The following NCEH1 variants were observed in gnomAD, a reference collection of about 807,000 sequenced individuals.
NCEH1 encodes neutral cholesterol ester hydrolase 1, also known as 2-acetyl MAGE hydrolase.
NCEH1 carries 9 observed loss-of-function variants against 25.4 expected under a neutral mutation model. That is an observed-to-expected ratio of 0.35 (90% confidence interval 0.21 to 0.62). The LOEUF (loss-of-function observed/expected upper bound fraction) is 0.62. NCEH1 is among the 20% of genes least tolerant of loss of function. NCEH1 has a pLI of 0.72. For missense variants in NCEH1, 412 were observed against 501.1 expected, an observed-to-expected ratio of 0.82 and a Z score of 1.70; for synonymous variants, 200 against 199.8, an observed-to-expected ratio of 1.00 and a Z score of -0.01.
chr3:172,689,251 C>CTTT (rs34888694), intron 1 of NCEH1, among the ~76,000 whole-genome samples: 3,358 of 80,770 alleles, frequency 0.042, 268 homozygotes, highest in African/African-American at 0.15. Flanking sequence ...CTTGGAGTAA[C>CTTT]TTTTTTTTTT....
rs1238049020 is a variant in NCEH1, at chr3:172,633,363, T to C, written c.*112A>G. The stretch of plus-strand genomic sequence containing the variant: ...AGTTATGGAATAGAAATTCCATAAC[T>C]CGCAAGTAGAGGGGAATGGGAGGAA... On this transcript the variant is annotated 3_prime_UTR_variant, in exon 5 of 5. Coordinates refer to ENST00000475381, the MANE Select transcript of NCEH1 (RefSeq NM_020792.6). The C allele has an allele frequency of 2.5e-5, 26 of 1,022,548 alleles. No individual in the cohort carries two copies. The highest frequency in any genetic ancestry group is 3.8e-5 in the Non-Finnish European group (26 of 689,396). The allele number at this position is 1,022,548 out of a possible 1,614,324, so 63.3% of individuals were successfully genotyped here. A position where few individuals can be genotyped will look rare whatever the true frequency, so the allele number is the denominator to read the frequency against.
At chr3:172,678,279 T>C (rs975206193) in intron 1 of NCEH1, among the ~76,000 whole-genome samples, 1 of 152,152 alleles carries the variant, frequency 6.6e-6, no homozygotes, top group South Asian at 2.1e-4. Flanking sequence ...ATAAGGACAA[T>C]TTCTACAGCC....
chr3:172,698,442 A>C (rs1158012206), intron 1 of NCEH1, among the ~76,000 whole-genome samples: 1 of 152,248 alleles, frequency 6.6e-6, no homozygotes, highest in African/African-American at 2.4e-5. Flanking sequence ...CATATACCAG[A>C]AACAGTGAGA....
intron 3 of NCEH1, among the ~76,000 whole-genome samples, chr3:172,640,924 C>T (rs1716820151): frequency 1.3e-5 from 2 of 152,138 alleles, no homozygotes; most frequent in South Asian, 4.1e-4. Flanking sequence ...ACCTCTGCCT[C>T]CCTAAGTGCT....
intron 1 of NCEH1, among the ~76,000 whole-genome samples, chr3:172,654,785 G>A (rs368805931): frequency 6.6e-6 from 1 of 152,274 alleles, no homozygotes; most frequent in Non-Finnish European, 1.5e-5. Flanking sequence ...TGTATTCTAT[G>A]TCAGTGACTC....
intron 3 of NCEH1, among the ~76,000 whole-genome samples, chr3:172,644,601 T>C (rs941094658): frequency 6.6e-6 from 1 of 152,248 alleles, no homozygotes. Context: ...TCTGGCCTTA[T>C]GCACATCACT....
Position 172,630,464 on chromosome 3 carries a change from T to C in NCEH1, c.*3011A>G, listed in dbSNP as rs1716297471. On this transcript the variant is annotated 3_prime_UTR_variant, in exon 5 of 5. Transcript: ENST00000475381. ...GTCCAAAGGAGGGCAACACATACTG[T>C]ATCCAGACATGAAACAAATGTCATC... 1 of 152,196 alleles carries C rather than the reference T, an allele frequency of 6.6e-6. No individual in the cohort carries two copies. The highest frequency in any genetic ancestry group is 1.5e-5 in the Non-Finnish European group (1 of 68,052). 9.4% of individuals were successfully genotyped at this position (152,196 alleles called of 1,614,324 possible).
In NCEH1 at chr3:172,653,784, G is replaced by A. The variant is rs548646746; in HGVS notation, c.139-5670C>T. ...TGTTTTTTTTTTTTTTTGAGACAGAGTCTCCCTTTGTTGCCAGGCTGGAGT... is the reference window on the plus strand; with the variant it reads ...TGTTTTTTTTTTTTTTTGAGACAGAATCTCCCTTTGTTGCCAGGCTGGAGT... On this transcript the variant is annotated intron_variant, in intron 1 of 4. Transcript: ENST00000475381. Among the ~76,000 whole-genome samples the A allele has an allele frequency of 2.0e-3, 139 of 68,870 alleles. 1 individual carries two copies. Among genetic ancestry groups the A allele is most frequent in the African/African-American group, 7.4e-3 (130 of 17,686 alleles). 45.2% of individuals were successfully genotyped at this position (68,870 alleles called of 152,430 possible).
At chr3:172,634,401 T>A (rs1296560974) in intron 4 of NCEH1, among the ~76,000 whole-genome samples, 1 of 152,180 alleles carries the variant, frequency 6.6e-6, no homozygotes, top group Admixed American at 6.6e-5. Flanking sequence ...GGATAATGTG[T>A]GAACCTTATT....
chr3:172,668,645 T>A (rs1309657565), intron 1 of NCEH1, among the ~76,000 whole-genome samples: 1 of 152,078 alleles, frequency 6.6e-6, no homozygotes, highest in Non-Finnish European at 1.5e-5. Flanking sequence ...TTGGGTCTAA[T>A]ATCTTTGAGA....
intron 1 of NCEH1, among the ~76,000 whole-genome samples, chr3:172,679,676 T>A (rs1424986019): frequency 6.6e-6 from 1 of 151,740 alleles, no homozygotes; most frequent in African/African-American, 2.4e-5. Context: ...CCCTGAATCA[T>A]CTCTTTTATA....
chr3:172,704,585 G>A (rs758882280), intron 1 of NCEH1, among the ~76,000 whole-genome samples: 1 of 152,184 alleles, frequency 6.6e-6, no homozygotes, highest in Non-Finnish European at 1.5e-5. Flanking sequence ...TTGCCTTGGT[G>A]TTCATTTAAT....
intron 1 of NCEH1, among the ~76,000 whole-genome samples, chr3:172,663,891 C>T (rs1482654817): frequency 6.6e-6 from 1 of 152,144 alleles, no homozygotes; most frequent in Non-Finnish European, 1.5e-5. Context: ...ATACAGCACA[C>T]TGATGGGTCT....
At chr3:172,645,274 T>A (rs994649437) in intron 3 of NCEH1, among the ~76,000 whole-genome samples, 1 of 152,150 alleles carries the variant, frequency 6.6e-6, no homozygotes, top group African/African-American at 2.4e-5. Context: ...CTTTTTCAAC[T>A]CTCAGCTGTA....
rs536061779 is a variant in NCEH1 at position 172,692,536 on chromosome 3, T to A, written c.138+18311A>T. 4.0e-5 allele frequency among the ~76,000 whole-genome samples: 6 copies of A among 151,262 alleles called. No homozygotes were observed. In the East Asian group the frequency reaches 1.2e-3, roughly 29 times the overall value. On this transcript the variant is annotated intron_variant, in intron 1 of 4. Transcript: ENST00000475381. Reference sequence around the variant, plus strand: ...CCACACCTGGCTAATTTTTTTTTTTTAATTTTTTTGTAGAGATGGGGTTGC... The same window carrying A: ...CCACACCTGGCTAATTTTTTTTTTTAAATTTTTTTGTAGAGATGGGGTTGC...
intron 4 of NCEH1, among the ~76,000 whole-genome samples, chr3:172,635,299 G>A (rs568527034): frequency 6.6e-6 from 1 of 152,326 alleles, no homozygotes; most frequent in Admixed American, 6.5e-5. Flanking sequence ...GAAATTTGGA[G>A]GTGAGAAGAC....
chr3:172,705,462 TG>T (rs1713920386), intron 1 of NCEH1, among the ~76,000 whole-genome samples: 1 of 152,184 alleles, frequency 6.6e-6, no homozygotes, highest in Non-Finnish European at 1.5e-5. Flanking sequence ...CCCTGAGTTT[TG>T]GGTTAAATGA....
intron 1 of NCEH1, among the ~76,000 whole-genome samples, chr3:172,651,961 G>C (rs1315101976): frequency 1.3e-5 from 2 of 152,206 alleles, no homozygotes; most frequent in Non-Finnish European, 2.9e-5. Flanking sequence ...TAGAAGAGGG[G>C]AAGAGAAAGT....
chr3:172,650,812 GAAAAAAAAAAAA>G (rs768170518), intron 1 of NCEH1, among the ~76,000 whole-genome samples: 4 of 35,910 alleles, frequency 1.1e-4, no homozygotes, highest in African/African-American at 3.9e-4. Flanking sequence ...ACTCTGCCTC[GAAAAAAAAAAAA>G]AAAAAAAAAA....
Sources: gnomAD v4.1 joint callset for allele counts (sites outside exome capture counted in the v4.1 genomes callset) on GRCh38, gnomAD v4.1.1 for gene constraint, MANE v1.5 for transcripts, NCBI Gene and HGNC (gene_info 2026-07-23, HGNC 2026-07-21) for gene names.